Variants in TRPC4 observed in about 807,000 individuals in gnomAD.
TRPC4 encodes the protein short transient receptor potential channel 4.
In TRPC4, 49 loss-of-function variants were observed where a neutral mutation model predicts 99.4. That is an observed-to-expected ratio of 0.49 (90% CI 0.39 to 0.63). The LOEUF (loss-of-function observed/expected upper bound fraction) is 0.63, where lower values mean the gene tolerates loss of function less well. Among genes scored for constraint, TRPC4 ranks in the 20% least tolerant of loss-of-function variants. The probability of loss-of-function intolerance (pLI) is 0.00; values close to 1 mark genes in which losing one functional copy is unlikely to be tolerated. For synonymous variants in TRPC4, 454 were observed against 425.9 expected, an observed-to-expected ratio of 1.07 and a Z score of -0.81; for missense variants, 898 against 1,152.9, an observed-to-expected ratio of 0.78 and a Z score of 3.20.
At chr13:37,707,689 C>T (rs1217350975) in intron 3 of TRPC4, among the ~76,000 whole-genome samples, 1 of 152,060 alleles carries the variant, frequency 6.6e-6, no homozygotes, top group Admixed American at 6.6e-5. Flanking sequence ...GACAGTAATC[C>T]AGTGACTCTT....
At chr13:37,684,816 CACACACACACACA>C (rs1953406903) in intron 4 of TRPC4, among the ~76,000 whole-genome samples, 2 of 151,610 alleles carry the variant, frequency 1.3e-5, no homozygotes, top group Non-Finnish European at 2.9e-5. Flanking sequence ...CACACACACA[CACACACACACACA>C]CACACACAGA....
intron 6 of TRPC4, among the ~76,000 whole-genome samples, chr13:37,655,868 A>G (rs1186528601): frequency 6.6e-6 from 1 of 152,144 alleles, no homozygotes; most frequent in East Asian, 1.9e-4. Flanking sequence ...AGTCATCACT[A>G]ATAAATGATA....
chr13:37,859,115 AG>A (rs1158258128), intron 1 of TRPC4, among the ~76,000 whole-genome samples: 3 of 151,590 alleles, frequency 2.0e-5, no homozygotes, highest in South Asian at 2.1e-4. Context: ...TAAATAAATC[AG>A]TTTACAGATA....
chr13:37,776,616 C>T (rs1375995832), intron 2 of TRPC4, among the ~76,000 whole-genome samples: 2 of 151,840 alleles, frequency 1.3e-5, no homozygotes, highest in African/African-American at 4.8e-5. Flanking sequence ...GGGTTAACCA[C>T]AAAGAAGTTA....
intron 1 of TRPC4, among the ~76,000 whole-genome samples, chr13:37,830,830 G>A (rs1391471579): frequency 6.8e-6 from 1 of 147,772 alleles, no homozygotes; most frequent in East Asian, 1.9e-4. Context: ...TAATATAATA[G>A]TATAAAGTGT....
chr13:37,713,088 A>G (rs1324671151), intron 3 of TRPC4, among the ~76,000 whole-genome samples: 2 of 152,182 alleles, frequency 1.3e-5, no homozygotes, highest in African/African-American at 4.8e-5. Flanking sequence ...TTTTTCAACC[A>G]GGAATCTGAC....
chr13:37,650,197 A>T (rs1380185731), intron 8 of TRPC4, among the ~76,000 whole-genome samples: 1 of 152,168 alleles, frequency 6.6e-6, no homozygotes, highest in Non-Finnish European at 1.5e-5. Flanking sequence ...AACCATGTAA[A>T]ATAAAATTGA....
At chr13:37,745,458 A>ATATATATATATGTGTG (rs1490430436) in intron 3 of TRPC4, among the ~76,000 whole-genome samples, 1 of 6,584 alleles carries the variant, frequency 1.5e-4, no homozygotes, top group East Asian at 1.9e-3. Flanking sequence ...ATATATATAT[A>ATATATATATATGTGTG]TATATATATA....
At chr13:37,641,278 AAG>A (rs977930797) in intron 8 of TRPC4, among the ~76,000 whole-genome samples, 4 of 152,146 alleles carry the variant, frequency 2.6e-5, no homozygotes, top group Non-Finnish European at 4.4e-5. Context: ...GATTGTCAAA[AAG>A]AGAGAGGAAC....
intron 4 of TRPC4, among the ~76,000 whole-genome samples, chr13:37,687,812 G>A (rs900992426): frequency 2.0e-4 from 30 of 152,064 alleles, no homozygotes; most frequent in African/African-American, 7.2e-4. Flanking sequence ...CCAGACACCC[G>A]AAAAGTATAG....
chr13:37,824,639 G>A (rs1329315671), intron 1 of TRPC4, among the ~76,000 whole-genome samples: 1 of 152,056 alleles, frequency 6.6e-6, no homozygotes, highest in East Asian at 1.9e-4. Context: ...GACCATGGTG[G>A]ATAAGCTTTT....
At chr13:37,843,035 C>A (rs1026788442) in intron 1 of TRPC4, among the ~76,000 whole-genome samples, 6 of 152,164 alleles carry the variant, frequency 3.9e-5, no homozygotes, top group Non-Finnish European at 8.8e-5. Flanking sequence ...AATATGAGTA[C>A]ATGAAGATGT....
At chr13:37,773,157 C>T (rs757880372) in intron 2 of TRPC4, among the ~76,000 whole-genome samples, 8 of 151,664 alleles carry the variant, frequency 5.3e-5, no homozygotes, top group Non-Finnish European at 1.2e-4. Context: ...ACTCTCTATA[C>T]TGCTTGGTGG....
intron 1 of TRPC4, among the ~76,000 whole-genome samples, chr13:37,869,246 C>T (rs928581623): frequency 6.6e-6 from 1 of 152,030 alleles, no homozygotes; most frequent in Non-Finnish European, 1.5e-5. Context: ...GCCACATTCC[C>T]CAGCACCACG....
At chr13:37,683,064 A>G (rs776276404) in intron 4 of TRPC4, among the ~76,000 whole-genome samples, 3 of 151,628 alleles carry the variant, frequency 2.0e-5, no homozygotes, top group Non-Finnish European at 4.4e-5. Context: ...CAGCCCAGCC[A>G]GGACAGTGCA....
chr13:37,840,441 C>T (rs976876262), intron 1 of TRPC4, among the ~76,000 whole-genome samples: 3 of 151,848 alleles, frequency 2.0e-5, no homozygotes, highest in African/African-American at 7.3e-5. Context: ...TTCCTTAGAC[C>T]CTTTTATATC....
intron 3 of TRPC4, among the ~76,000 whole-genome samples, chr13:37,697,660 C>T (rs1470626413): frequency 1.3e-5 from 2 of 152,050 alleles, no homozygotes; most frequent in Admixed American, 1.3e-4. Flanking sequence ...TGTTGCAACT[C>T]AAATTGTGGG....
chr13:37,847,919 CAA>C (rs1958949887), intron 1 of TRPC4, among the ~76,000 whole-genome samples: 1 of 151,990 alleles, frequency 6.6e-6, no homozygotes, highest in Non-Finnish European at 1.5e-5. Flanking sequence ...CCAAACAGTA[CAA>C]AGTTTCAGAT....
At chr13:37,688,748 A>C (rs1162181131) in intron 4 of TRPC4, among the ~76,000 whole-genome samples, 1 of 152,218 alleles carries the variant, frequency 6.6e-6, no homozygotes. Context: ...TGGTTTGAAA[A>C]TCTAAGTCAG....
Sources: gnomAD v4.1 joint callset for allele counts (sites outside exome capture counted in the v4.1 genomes callset) on GRCh38, gnomAD v4.1.1 for gene constraint, MANE v1.5 for transcripts, NCBI Gene and HGNC (gene_info 2026-07-23, HGNC 2026-07-21) for gene names.